Variants in EBNA1BP2 observed in about 807,000 individuals in gnomAD.
EBNA1BP2 encodes the protein probable rRNA-processing protein EBP2.
In EBNA1BP2, 36 loss-of-function variants were observed where a neutral mutation model predicts 43.5. That is an observed-to-expected ratio of 0.83 (90% CI 0.63 to 1.09). The LOEUF (loss-of-function observed/expected upper bound fraction) is 1.09. Ranked by LOEUF, EBNA1BP2 falls within the 50% of genes least tolerant of loss-of-function variation. EBNA1BP2 has a pLI of 0.00. For synonymous variants in EBNA1BP2, 127 were observed against 141.3 expected (o/e 0.90, Z 0.72); for missense variants, 332 against 379.1 (o/e 0.88, Z 1.03).
At position 43,164,282 on chromosome 1, in the gene EBNA1BP2, TCTAGA is replaced by T. The variant is rs1569717675; in HGVS notation, c.*156_*160del. 1 of 762,796 alleles carries T rather than the reference TCTAGA, an allele frequency of 1.3e-6. No homozygotes were observed. The highest frequency in any genetic ancestry group is 2.6e-4 in the Middle Eastern group (1 of 3,826). The allele number at this position is 762,796 out of a possible 1,614,324, so 47.3% of individuals were successfully genotyped here. A position where few individuals can be genotyped will look rare whatever the true frequency, so the allele number is the denominator to read the frequency against. On this transcript the variant is annotated 3_prime_UTR_variant, in exon 9 of 9. Coordinates refer to ENST00000236051, the MANE Select transcript of EBNA1BP2 (RefSeq NM_006824.3). ...GGAAAGTAACTTCTCAATCTTTTAG[TCTAGA>T]CTATTTAACCAAAGGTATGTGTTCC... is the stretch of plus-strand genomic sequence containing the variant.
chr1:43,168,070 T>C (rs1342842347), intron 5 of EBNA1BP2, among the ~76,000 whole-genome samples: 2 of 152,254 alleles, frequency 1.3e-5, no homozygotes, highest in Non-Finnish European at 2.9e-5. Flanking sequence ...ACTTTGGCTA[T>C]GTTAAATTAA....
At position 43,171,574 on chromosome 1, in the gene EBNA1BP2, C is replaced by A; in HGVS notation, c.228G>T (p.Pro76=). 1 of 1,614,174 alleles carries A rather than the reference C, an allele frequency of 6.2e-7. No individual in the cohort carries two copies. Among genetic ancestry groups the A allele is most frequent in the Non-Finnish European group, 8.5e-7 (1 of 1,180,042 alleles). The change falls in exon 3 of 9, where the codon CCG becomes CCT. Residue 76 remains proline (P), a synonymous_variant. Transcript: ENST00000236051. ...CCTCAGATCCACCGATCTCCGGTAC[C>A]GGACCCAGTGTCACATCGAGCCTTT... The part of the protein sequence containing the change: ...WVERLDVTLG[P]VPEIGGSEAP...
At position 43,164,318 on chromosome 1, in the gene EBNA1BP2, T is replaced by C; in HGVS notation, c.*125A>G. On this transcript the variant is annotated 3_prime_UTR_variant, in exon 9 of 9. Transcript: ENST00000236051. ...TAACCAAAGGTATGTGTTCCTTTAA[T>C]AATTTTTCTTTAGTTTATTGAAAGA... 2 of 1,134,952 alleles carry C rather than the reference T, an allele frequency of 1.8e-6. No homozygotes were observed. Among genetic ancestry groups the C allele is most frequent in the East Asian group, 2.5e-5 (1 of 40,308 alleles). The allele number at this position is 1,134,952 out of a possible 1,614,324, so 70.3% of individuals were successfully genotyped here. A position where few individuals can be genotyped will look rare whatever the true frequency, so the allele number is the denominator to read the frequency against.
At chr1:43,167,885 T>A (rs547987488) in intron 5 of EBNA1BP2, among the ~76,000 whole-genome samples, 1 of 152,190 alleles carries the variant, frequency 6.6e-6, no homozygotes, top group African/African-American at 2.4e-5. Context: ...CTCTACCTAC[T>A]AGATGCCAGT....
intron 2 of EBNA1BP2, 79 bp from the exon 3 acceptor site, chr1:43,171,730 G>T: frequency 1.3e-6 from 2 of 1,578,770 alleles, no homozygotes; most frequent in South Asian, 1.2e-5. Context: ...TAGGCGAAGG[G>T]ACAAAGTGCT....
intron 7 of EBNA1BP2, 65 bp downstream of exon 7, chr1:43,166,761 A>G (rs1342131625): frequency 1.3e-6 from 2 of 1,499,952 alleles, no homozygotes; most frequent in Non-Finnish European, 1.8e-6. Context: ...TGTCTGCCAT[A>G]CTCGTGACCT....
intron 5 of EBNA1BP2, among the ~76,000 whole-genome samples, 166 bp downstream of exon 5, chr1:43,168,773 T>C (rs1262141151): frequency 6.6e-6 from 1 of 152,124 alleles, no homozygotes; most frequent in Admixed American, 6.5e-5. Context: ...GAACCACTCA[T>C]GTCCAGGCAA....
intron 5 of EBNA1BP2, among the ~76,000 whole-genome samples, chr1:43,167,797 A>G (rs1334805691): frequency 6.6e-6 from 1 of 152,224 alleles, no homozygotes; most frequent in African/African-American, 2.4e-5. Context: ...TGATACTGCT[A>G]CAGTGTGGAG....
chr1:43,164,860 G>C (rs1644908232), intron 7 of EBNA1BP2, 55 bp from the exon 8 acceptor site: 1 of 1,594,150 alleles, frequency 6.3e-7, no homozygotes, highest in Non-Finnish European at 8.5e-7. Flanking sequence ...TGATGAACCT[G>C]ATGGCCCAGC....
At chr1:43,171,765 T>C (rs1269125131) in intron 2 of EBNA1BP2, 114 bp from the exon 3 acceptor site, 7 of 1,561,692 alleles carry the variant, frequency 4.5e-6, no homozygotes, top group Admixed American at 1.8e-5. Context: ...AGACAGGTAA[T>C]TGACCCTCTT....
At chr1:43,166,731 C>T (rs1030398399) in intron 7 of EBNA1BP2, 95 bp downstream of exon 7, 122 of 1,274,546 alleles carry the variant, frequency 9.6e-5, no homozygotes, top group Non-Finnish European at 1.2e-4. Context: ...GACTCTATGG[C>T]TGCGCCGGTG....
chr1:43,170,930 G>T, intron 3 of EBNA1BP2, 51 bp from the exon 4 acceptor site: 4 of 1,487,106 alleles, frequency 2.7e-6, no homozygotes, highest in Non-Finnish European at 3.6e-6. Context: ...GAGGCCTTAC[G>T]TTCCTTTTCA....
chr1:43,168,998 C>A lies in EBNA1BP2; in HGVS notation c.478G>T (p.Ala160Ser), dbSNP rs140679058. Residue 160 changes from alanine (A) to serine (S), a missense_variant, in exon 5 of 9, where the codon GCC (alanine) becomes TCC (serine). Physicochemically the swap from Ala to Ser is moderately conservative, Grantham distance 99. Around this residue, in one of 3 missense-constraint regions of EBNA1BP2, gnomAD observed 91 missense variants for 152.1 expected, o/e 0.60. Transcript: ENST00000236051. ...TTAGCTTTTTCAGACCTCTCCATGG[C>A]AGCCTGTTTAGTCTGCAGCTTCTGT... ...IRQKLQTKQA[A>S]MERSEKAKQL... The A allele has an allele frequency of 6.2e-7, 1 of 1,614,192 alleles. No homozygotes were observed. Among genetic ancestry groups the A allele is most frequent in the East Asian group, 2.2e-5 (1 of 44,888 alleles).
rs1006882863 is a variant in EBNA1BP2, at chr1:43,170,837, G to A, written c.366C>T (p.Arg122=). 2.5e-6 allele frequency: 4 copies of A among 1,604,530 alleles called. No individual in the cohort carries two copies. Among genetic ancestry groups the A allele is most frequent in the Non-Finnish European group, 3.4e-6 (4 of 1,176,220 alleles). The part of the protein sequence containing the change: ...AQAAVLAVLP[R]LHQLKVPTKR... ...TCGTAGGGACTTTGAGCTGATGGAG[G>A]CGGGGTAAGACTGCAAGCACTGCGG... Residue 122 remains arginine, a synonymous_variant, in exon 4 of 9, where the codon CGC becomes CGT. Transcript: ENST00000236051.
intron 4 of EBNA1BP2, among the ~76,000 whole-genome samples, chr1:43,170,175 C>A (rs1249816437): frequency 1.3e-5 from 2 of 152,146 alleles, no homozygotes; most frequent in Non-Finnish European, 2.9e-5. Context: ...GCAATATTTT[C>A]AAATTTTTTT....
chr1:43,164,552 G>A (rs543939580), intron 8 of EBNA1BP2, 59 bp from the exon 9 acceptor site: 1 of 1,614,044 alleles, frequency 6.2e-7, no homozygotes, highest in African/African-American at 1.3e-5. Context: ...GCCCCAGGGT[G>A]AGGACGAACA....
At position 43,170,863 on chromosome 1, in the gene EBNA1BP2, C is replaced by A. The variant is rs528412279; in HGVS notation, c.340G>T (p.Ala114Ser). ...CGGGGTAAGACTGCAAGCACTGCGG[C>A]CTGGGCTTGGCGATAGCTGAGAATC... ...REMSFYRQAQAAVLAVLPRLH... is the reference protein window; with the variant it reads ...REMSFYRQAQSAVLAVLPRLH... The change falls in exon 4 of 9, where the codon GCC becomes TCC. Residue 114 changes from alanine (A) to serine (S), a missense_variant. Around this residue, in one of 3 missense-constraint regions of EBNA1BP2, gnomAD observed 182 missense variants for 173.7 expected, o/e 1.05. Coordinates refer to ENST00000236051, the MANE Select transcript of EBNA1BP2 (RefSeq NM_006824.3). 5 of 1,583,470 alleles carry A rather than the reference C, an allele frequency of 3.2e-6. No individual in the cohort carries two copies. In the African/African-American group the frequency reaches 4.1e-5, roughly 13 times the overall value.
upstream of EBNA1BP2, chr1:43,172,317 G>A (rs1265472424): frequency 2.6e-6 from 4 of 1,551,748 alleles, no homozygotes; most frequent in Non-Finnish European, 3.5e-6. Context: ...TTCCGCTTCC[G>A]GCGGCAAACC....
chr1:43,170,635 G>A (rs1301123774), intron 4 of EBNA1BP2, 121 bp downstream of exon 4: 2 of 1,393,854 alleles, frequency 1.4e-6, no homozygotes, highest in Non-Finnish European at 9.6e-7. Context: ...TATGGAAGAG[G>A]TAATAATTGT....
Sources: allele counts gnomAD v4.1 joint callset (sites outside exome capture counted in the v4.1 genomes callset), GRCh38; gene constraint gnomAD v4.1.1; regional missense constraint gnomAD v4.1.1; transcripts MANE v1.5; gene names NCBI Gene and HGNC (gene_info 2026-07-23, HGNC 2026-07-21).